MYT1L: variants seen among roughly 807,000 people sequenced by gnomAD.
MYT1L encodes the protein myelin transcription factor 1 like, also known as myelin transcription factor 1-like protein.
In MYT1L, 12 loss-of-function variants were observed where a neutral mutation model predicts 126.7. The observed-to-expected ratio is 0.09, with a 90% CI of 0.06 to 0.15. MYT1L has a LOEUF of 0.15. Among genes scored for constraint, MYT1L ranks in the 10% least tolerant of loss-of-function variants. MYT1L has a pLI of 1.00. For missense variants in MYT1L, 979 were observed against 1,585.2 expected, an observed-to-expected ratio of 0.62 and a Z score of 6.49; for synonymous variants, 541 against 604.2, an observed-to-expected ratio of 0.90 and a Z score of 1.53.
At chr2:2,208,594 C>A (rs1246061636) in intron 2 of MYT1L, among the ~76,000 whole-genome samples, 2 of 152,126 alleles carry the variant, frequency 1.3e-5, no homozygotes, top group African/African-American at 4.8e-5. Context: ...ACAACAATAA[C>A]AATTAAAAAC....
chr2:2,139,155 G>A (rs1316792638), intron 3 of MYT1L, among the ~76,000 whole-genome samples: 4 of 151,794 alleles, frequency 2.6e-5, no homozygotes, highest in Non-Finnish European at 4.4e-5. Flanking sequence ...AGAGCATATG[G>A]AACAAGTGCA....
chr2:2,204,005 T>G (rs887564540), intron 2 of MYT1L, among the ~76,000 whole-genome samples: 1 of 152,118 alleles, frequency 6.6e-6, no homozygotes, highest in African/African-American at 2.4e-5. Flanking sequence ...AAACAAGAAA[T>G]GGGGAAGGCA....
At chr2:2,175,350 T>C (rs896828647) in intron 2 of MYT1L, among the ~76,000 whole-genome samples, 7 of 152,074 alleles carry the variant, frequency 4.6e-5, no homozygotes, top group Admixed American at 6.5e-5. Context: ...GAAGACCTTT[T>C]GTTTAGCTAA....
At chr2:2,057,031 GACA>G (rs1440341236) in intron 3 of MYT1L, among the ~76,000 whole-genome samples, 3 of 152,304 alleles carry the variant, frequency 2.0e-5, no homozygotes, top group South Asian at 2.1e-4. Flanking sequence ...GTCCGCCAAT[GACA>G]ACATTTTGCA....
At chr2:2,102,690 C>T (rs760481094) in intron 3 of MYT1L, among the ~76,000 whole-genome samples, 34 of 150,240 alleles carry the variant, frequency 2.3e-4, no homozygotes, top group Non-Finnish European at 4.0e-4. Context: ...TGATAGAGAT[C>T]TAATTAACTT....
chr2:1,928,742 A>G (rs528810744), intron 9 of MYT1L, among the ~76,000 whole-genome samples: 18 of 152,190 alleles, frequency 1.2e-4, no homozygotes, highest in African/African-American at 4.1e-4. Flanking sequence ...AACCACTCAG[A>G]GCTGTGCTGG....
At position 2,238,290 on chromosome 2, in the gene MYT1L, G is replaced by T. The variant is rs150013383; in HGVS notation, c.-421+46114C>A. ...GTGTCTCTGCGCAAGGTACCCTGCTGTCCGGGCCTCAACTCTTTAATCTAG... is the reference window on the plus strand; with the variant it reads ...GTGTCTCTGCGCAAGGTACCCTGCTTTCCGGGCCTCAACTCTTTAATCTAG... On this transcript the variant is annotated intron_variant, in intron 2 of 24. Transcript: ENST00000647738. Among the ~76,000 whole-genome samples the T allele has an allele frequency of 9.2e-5, 14 of 152,244 alleles. No homozygotes were observed. In the East Asian group the frequency reaches 2.5e-3, roughly 27 times the overall value.
Position 2,086,849 on chromosome 2 carries a change from C to T in MYT1L, c.-303-32726G>A, listed in dbSNP as rs543603017. ...CCTGAAGTTCTTATTCAGCTGGTGT[C>T]CCACACCTGCGCCACTGCTCCTGCC... On this transcript the variant is annotated intron_variant, in intron 3 of 24. Coordinates refer to ENST00000647738, the MANE Select transcript of MYT1L (RefSeq NM_001303052.2). 3.0e-4 allele frequency among the ~76,000 whole-genome samples: 46 copies of T among 152,322 alleles called. No individual in the cohort carries two copies. The South Asian group carries it at 8.1e-3, about 27-fold the overall frequency.
chr2:1,831,983 C>T (rs1477248024), intron 21 of MYT1L, among the ~76,000 whole-genome samples: 1 of 152,176 alleles, frequency 6.6e-6, no homozygotes, highest in Non-Finnish European at 1.5e-5. Flanking sequence ...GATATTCCCC[C>T]TTCAAAGTCC....
intron 4 of MYT1L, among the ~76,000 whole-genome samples, chr2:2,005,251 C>A (rs2149706823): frequency 1.3e-5 from 2 of 149,278 alleles, no homozygotes; most frequent in Non-Finnish European, 3.0e-5. Context: ...TGCAGGCGTT[C>A]TTTCCTGCAT....
intron 2 of MYT1L, among the ~76,000 whole-genome samples, chr2:2,269,355 T>A (rs79415564): frequency 2.0e-3 from 306 of 152,352 alleles, no homozygotes; most frequent in African/African-American, 7.2e-3. Flanking sequence ...CCTGCTCAAC[T>A]GCAGCCCACA....
At chr2:2,109,917 A>ATATC (rs2079218715) in intron 3 of MYT1L, among the ~76,000 whole-genome samples, 1 of 120,686 alleles carries the variant, frequency 8.3e-6, no homozygotes, top group Non-Finnish European at 1.7e-5. Context: ...ATATATATAT[A>ATATC]TATATATCCC....
chr2:1,837,635 G>T (rs151042986), intron 21 of MYT1L, among the ~76,000 whole-genome samples: 1 of 152,190 alleles, frequency 6.6e-6, no homozygotes, highest in East Asian at 1.9e-4. Context: ...GCACGTGCAG[G>T]AACAGGCTCA....
At chr2:2,140,712 C>T (rs546381477) in intron 3 of MYT1L, among the ~76,000 whole-genome samples, 3 of 152,036 alleles carry the variant, frequency 2.0e-5, no homozygotes, top group East Asian at 1.9e-4. Flanking sequence ...GGATTACAGG[C>T]GTGAGACACC....
chr2:2,182,059 G>A (rs571758892), intron 2 of MYT1L, among the ~76,000 whole-genome samples: 5 of 152,240 alleles, frequency 3.3e-5, no homozygotes, highest in African/African-American at 1.2e-4. Context: ...GAGCAAAAAT[G>A]AATGGCATGC....
intron 18 of MYT1L, among the ~76,000 whole-genome samples, chr2:1,872,064 G>A (rs12618341): frequency 6.6e-6 from 1 of 152,268 alleles, no homozygotes; most frequent in African/African-American, 2.4e-5. Flanking sequence ...CATGAAGGTG[G>A]AGCTAGTGTG....
At chr2:1,911,893 G>C (rs2052045872) in intron 12 of MYT1L, 127 bp downstream of exon 12, 2 of 615,102 alleles carry the variant, frequency 3.3e-6, no homozygotes, top group South Asian at 6.5e-5. Context: ...TGCATTATAT[G>C]GAGGTGCCCG....
In MYT1L at chr2:2,043,877, T is replaced by C. The variant is rs186142188; in HGVS notation, c.-158+10101A>G. 3.9e-5 allele frequency among the ~76,000 whole-genome samples: 6 copies of C among 152,294 alleles called. No individual in the cohort carries two copies. The East Asian group carries it at 1.2e-3, about 29-fold the overall frequency. ...ATTTACAAATAATCTCTATTAAACATAAGGCAAAATTTTGACTGATGGAGA... is the reference window on the plus strand; with the variant it reads ...ATTTACAAATAATCTCTATTAAACACAAGGCAAAATTTTGACTGATGGAGA... On this transcript the variant is annotated intron_variant, in intron 4 of 24. Coordinates refer to ENST00000647738, the MANE Select transcript of MYT1L (RefSeq NM_001303052.2).
chr2:1,968,991 C>T (rs1182858523), intron 8 of MYT1L, among the ~76,000 whole-genome samples: 1 of 152,174 alleles, frequency 6.6e-6, no homozygotes. Flanking sequence ...AAGCTGCTGC[C>T]CCATAGTCCT....
Sources: allele counts gnomAD v4.1 joint callset (sites outside exome capture counted in the v4.1 genomes callset), GRCh38; gene constraint gnomAD v4.1.1; transcripts MANE v1.5; gene names NCBI Gene and HGNC (gene_info 2026-07-23, HGNC 2026-07-21).